Variants in PNLIPRP3 observed in about 807,000 individuals in gnomAD.
The protein encoded by PNLIPRP3 is pancreatic lipase-related protein 3.
In PNLIPRP3, 58 loss-of-function variants were observed where a neutral mutation model predicts 52.8. That is an observed-to-expected ratio of 1.10 (90% CI 0.89 to 1.37). The LOEUF (loss-of-function observed/expected upper bound fraction) is 1.37. Ranked by LOEUF, PNLIPRP3 falls within the 40% of genes most tolerant of loss-of-function variation. The pLI, the probability that PNLIPRP3 is intolerant of heterozygous loss-of-function variation, is 0.00. For missense variants in PNLIPRP3, 593 were observed against 561.6 expected (o/e 1.06, Z -0.57); for synonymous variants, 192 against 185.0 (o/e 1.04, Z -0.31).
intron 4 of PNLIPRP3, among the ~76,000 whole-genome samples, chr10:116,449,365 G>A (rs116909233): frequency 6.2e-4 from 95 of 152,270 alleles, no homozygotes; most frequent in Non-Finnish European, 1.2e-3. Flanking sequence ...ATATTTTGGA[G>A]ACACACATAG....
chr10:116,429,632 T>C (rs951906207), intron 1 of PNLIPRP3, among the ~76,000 whole-genome samples: 1 of 152,208 alleles, frequency 6.6e-6, no homozygotes, highest in African/African-American at 2.4e-5. Flanking sequence ...AGTTTTCATA[T>C]TTCAAGAACT....
intron 2 of PNLIPRP3, among the ~76,000 whole-genome samples, chr10:116,437,448 G>T (rs1299289580): frequency 6.6e-6 from 1 of 152,150 alleles, no homozygotes; most frequent in Admixed American, 6.6e-5. Context: ...AAAGGAAGTG[G>T]CATGAACATA....
At chr10:116,462,571 G>T (rs190332904) in intron 7 of PNLIPRP3, among the ~76,000 whole-genome samples, 5 of 152,192 alleles carry the variant, frequency 3.3e-5, no homozygotes, top group Admixed American at 3.3e-4. Context: ...TATTTGTAAT[G>T]ACTATATTTT....
chr10:116,455,689 T>TAAAATA, intron 4 of PNLIPRP3, 33 bp from the exon 5 acceptor site: 1 of 1,523,268 alleles, frequency 6.6e-7, no homozygotes, highest in African/African-American at 1.4e-5. Context: ...CCGCTGTTTT[T>TAAAATA]AAAATACTTA....
At position 116,461,233 on chromosome 10, in the gene PNLIPRP3, G is replaced by A. The variant is rs528534828; in HGVS notation, c.751G>A (p.Gly251Arg). 55 of 1,613,794 alleles carry A rather than the reference G, an allele frequency of 3.4e-5. No individual in the cohort carries two copies. The Admixed American group carries it at 8.8e-4, about 26-fold the overall frequency. Reference protein sequence around the residue: ...FYPNGGKHMPGCEDLITPLLK... With the variant: ...FYPNGGKHMPRCEDLITPLLK... Reference sequence around the variant, plus strand: ...CCCAAATGGAGGGAAGCACATGCCAGGATGTGAAGACTTAATTACACCTTT... The same window carrying A: ...CCCAAATGGAGGGAAGCACATGCCAAGATGTGAAGACTTAATTACACCTTT... The change falls in exon 7 of 12, where the codon GGA (glycine) becomes AGA (arginine). Residue 251 changes from glycine (G) to arginine (R), a missense_variant. Transcript: ENST00000369230.
intron 4 of PNLIPRP3, among the ~76,000 whole-genome samples, chr10:116,449,036 A>G (rs957242525): frequency 1.0e-5 from 1 of 99,416 alleles, no homozygotes; most frequent in Non-Finnish European, 2.2e-5. Flanking sequence ...AAAAAAAAAA[A>G]TTTCTAATTA....
At chr10:116,474,351 A>T (rs1846424024) in intron 10 of PNLIPRP3, among the ~76,000 whole-genome samples, 1 of 152,216 alleles carries the variant, frequency 6.6e-6, no homozygotes, top group East Asian at 1.9e-4. Flanking sequence ...AAACCCTGGA[A>T]AACAACTTAG....
intron 1 of PNLIPRP3, among the ~76,000 whole-genome samples, chr10:116,429,852 C>T (rs1845685115): frequency 6.6e-6 from 1 of 152,100 alleles, no homozygotes; most frequent in Non-Finnish European, 1.5e-5. Flanking sequence ...GACACTTCCT[C>T]ATTAAGAAAT....
intron 9 of PNLIPRP3, among the ~76,000 whole-genome samples, chr10:116,469,842 C>T (rs994960931): frequency 6.6e-6 from 1 of 151,958 alleles, no homozygotes; most frequent in African/African-American, 2.4e-5. Context: ...AATGGAAAGC[C>T]ATTGAAGGGT....
In PNLIPRP3 at chr10:116,460,983, C is replaced by T; in HGVS notation, c.583C>T (p.Pro195Ser). The part of the protein sequence containing the change: ...GRITGLDPAG[P>S]FFHNTPKEVR... ...TTCTCTAGGGTTGGACCCAGCTGGG[C>T]CATTTTTCCACAACACTCCAAAGGA... Residue 195 changes from proline to serine, a missense_variant, in exon 6 of 12, where the codon CCA becomes TCA. Transcript: ENST00000369230. The T allele has an allele frequency of 6.2e-7, 1 of 1,612,200 alleles. No individual in the cohort carries two copies. The highest frequency in any genetic ancestry group is 1.6e-4 in the Middle Eastern group (1 of 6,062).
In PNLIPRP3 at chr10:116,477,116, T is replaced by C; in HGVS notation, c.1367T>C (p.Met456Thr). 1.9e-6 allele frequency: 3 copies of C among 1,599,108 alleles called. No individual in the cohort carries two copies. Among genetic ancestry groups the C allele is most frequent in the Non-Finnish European group, 2.6e-6 (3 of 1,169,660 alleles). Residue 456 changes from methionine to threonine, a missense_variant, in exon 12 of 12, where the codon ATG (methionine) becomes ACG (threonine). Transcript: ENST00000369230. ...TCTACCTTCTGTAGCCAAGACATTA[T>C]GGGACCTAATATTCTCCAGAACCTG... ...YKSTFCSQDI[M>T]GPNILQNLKP... is the part of the protein sequence containing the mutation.
intron 5 of PNLIPRP3, among the ~76,000 whole-genome samples, chr10:116,456,801 G>A (rs1453961455): frequency 6.6e-6 from 1 of 152,170 alleles, no homozygotes; most frequent in Non-Finnish European, 1.5e-5. Flanking sequence ...CAGTAAGCAA[G>A]CCCCACGTCT....
At chr10:116,436,886 C>T (rs1845782412) in intron 2 of PNLIPRP3, 21 bp downstream of exon 2, 2 of 1,558,222 alleles carry the variant, frequency 1.3e-6, no homozygotes, top group South Asian at 1.2e-5. Flanking sequence ...TTGCAGCCTT[C>T]ACACATGGAT....
At position 116,446,315 on chromosome 10, in the gene PNLIPRP3, C is replaced by T. The variant is rs1245813003; in HGVS notation, c.456+1802C>T. Among the ~76,000 whole-genome samples the T allele has an allele frequency of 2.1e-5, 3 of 140,870 alleles. No homozygotes were observed. In the East Asian group the frequency reaches 6.3e-4, roughly 30 times the overall value. 92.4% of individuals were successfully genotyped at this position (140,870 alleles called of 152,430 possible). On this transcript the variant is annotated intron_variant, in intron 4 of 11. Transcript: ENST00000369230. ...AAGCCGAGATGGCGCCGCTGCACTC[C>T]AGCTTGGGCCAGAGTGCGACGCTGC...
At chr10:116,453,578 T>C (rs953824916) in intron 4 of PNLIPRP3, among the ~76,000 whole-genome samples, 2 of 152,074 alleles carry the variant, frequency 1.3e-5, no homozygotes, top group Non-Finnish European at 2.9e-5. Flanking sequence ...ATCATGGGGA[T>C]GAATCTCTCA....
chr10:116,443,913 C>T (rs1488504769), intron 3 of PNLIPRP3, among the ~76,000 whole-genome samples: 1 of 145,892 alleles, frequency 6.9e-6, no homozygotes, highest in Non-Finnish European at 1.5e-5. Context: ...CTATTAACAC[C>T]TAAGTATTAC....
At chr10:116,457,023 C>T (rs567078968) in intron 5 of PNLIPRP3, among the ~76,000 whole-genome samples, 3 of 152,336 alleles carry the variant, frequency 2.0e-5, no homozygotes, top group South Asian at 2.1e-4. Context: ...TAGCTTGTCA[C>T]GTAAACTTGT....
chr10:116,466,011 A>C (rs779253194), intron 7 of PNLIPRP3, 39 bp from the exon 8 acceptor site: 2 of 1,377,708 alleles, frequency 1.5e-6, no homozygotes, highest in Non-Finnish European at 2.1e-6. Context: ...ACCAGTTATC[A>C]GTTAATTGCT....
chr10:116,433,046 G>A (rs1353312368), intron 1 of PNLIPRP3, among the ~76,000 whole-genome samples: 7 of 142,328 alleles, frequency 4.9e-5, no homozygotes, highest in East Asian at 2.2e-4. Flanking sequence ...CCTGGGAAGC[G>A]GAGGTTGCAG....
Sources: allele counts gnomAD v4.1 joint callset (sites outside exome capture counted in the v4.1 genomes callset), GRCh38; gene constraint gnomAD v4.1.1; transcripts MANE v1.5; gene names NCBI Gene and HGNC (gene_info 2026-07-23, HGNC 2026-07-21).